The following ARHGAP9 variants were observed in gnomAD, a reference collection of about 807,000 sequenced individuals.
ARHGAP9 encodes rho GTPase-activating protein 9.
In ARHGAP9, 76 loss-of-function variants were observed where a neutral mutation model predicts 87.3. The ratio of observed to expected loss-of-function variants is 0.87; its 90% CI spans 0.72 to 1.05. The LOEUF is 1.05. Ranked by LOEUF, ARHGAP9 falls within the 50% of genes least tolerant of loss-of-function variation. ARHGAP9 has a pLI of 0.00. For synonymous variants in ARHGAP9, 382 were observed against 394.9 expected, an observed-to-expected ratio of 0.97 and a Z score of 0.39; for missense variants, 941 against 960.5, an observed-to-expected ratio of 0.98 and a Z score of 0.27.
intron 2 of ARHGAP9, 73 bp downstream of exon 2, chr12:57,479,018 T>C: frequency 6.5e-7 from 1 of 1,536,646 alleles, no homozygotes; most frequent in South Asian, 1.2e-5. Context: ...TCCCCAAAAT[T>C]CCCAGAAGCC....
chr12:57,480,638 C>T, upstream of ARHGAP9: 1 of 797,026 alleles, frequency 1.3e-6, no homozygotes, highest in Non-Finnish European at 2.1e-6. Context: ...ACAATTGAAT[C>T]AGGAACAATG....
Position 57,479,238 on chromosome 12 carries a change from T to G in ARHGAP9, c.169A>C (p.Thr57Pro). ...EGDRFLLLRK[T>P]NSDWWLARRL... Reference sequence around the variant, plus strand: ...CTTGCCAACCACCAGTCGGAGTTGGTCTTTCGAAGCAGTAGGAACCTATCC... The same window carrying G: ...CTTGCCAACCACCAGTCGGAGTTGGGCTTTCGAAGCAGTAGGAACCTATCC... Residue 57 changes from threonine (T) to proline (P), a missense_variant, in exon 2 of 18, where the codon ACC becomes CCC. By Grantham distance (38) the Thr-to-Pro change is conservative. Transcript: ENST00000393791. The G allele has an allele frequency of 6.2e-7, 1 of 1,614,126 alleles. No individual in the cohort carries two copies. Among genetic ancestry groups the G allele is most frequent in the Non-Finnish European group, 8.5e-7 (1 of 1,180,002 alleles).
intron 4 of ARHGAP9, 94 bp from the exon 5 acceptor site, chr12:57,477,363 T>G: frequency 6.5e-7 from 1 of 1,530,852 alleles, no homozygotes; most frequent in Non-Finnish European, 8.9e-7. Flanking sequence ...CTTCTGATCT[T>G]CTGAGAGCCC....
At position 57,474,606 on chromosome 12, in the gene ARHGAP9, T is replaced by C. The variant is rs778948150; in HGVS notation, c.1729+20A>G. The C allele has an allele frequency of 6.1e-5, 99 of 1,614,038 alleles. No homozygotes were observed. The highest frequency in any genetic ancestry group is 8.1e-5 in the Non-Finnish European group (95 of 1,180,008). On this transcript the variant is annotated intron_variant, in intron 14 of 17. Coordinates refer to ENST00000393791, the MANE Select transcript of ARHGAP9 (RefSeq NM_032496.4). ...GGCAAGACATTCTTAGTACAACCAC[T>C]GGCCCACAAGCCTTCTCACCTCTGT...
Position 57,477,470 on chromosome 12 carries a change from G to C in ARHGAP9, c.745C>G (p.Arg249Gly). 1.2e-6 allele frequency: 2 copies of C among 1,614,048 alleles called. No homozygotes were observed. The highest frequency in any genetic ancestry group is 1.7e-6 in the Non-Finnish European group (2 of 1,179,976). Residue 249 changes from arginine (R) to glycine (G), a missense_variant, in exon 4 of 18, where the codon CGC becomes GGC. Coordinates refer to ENST00000393791, the MANE Select transcript of ARHGAP9 (RefSeq NM_032496.4). The part of the protein sequence containing the change: ...CKSWKPPRRS[R>G]SETNPGSMEG... ...AGGTAAGGTCTCACCGTCTCGCTGC[G>C]ACTGCGGCGCGGGGGCTTCCAGGAC...
At chr12:57,477,786 G>A (rs761433477) in intron 3 of ARHGAP9, 106 bp from the exon 4 acceptor site, 72 of 1,539,266 alleles carry the variant, frequency 4.7e-5, no homozygotes, top group South Asian at 2.7e-4. Context: ...TCTTCTCACC[G>A]CCAGCTCTGG....
chr12:57,475,930 A>C lies in ARHGAP9; in HGVS notation c.1214T>G (p.Ile405Ser). The change falls in exon 10 of 18, where the codon ATC (isoleucine) becomes AGC (serine). Residue 405 changes from isoleucine (I) to serine (S), a missense_variant and splice_region_variant. Physicochemically the swap from Ile to Ser is moderately radical, Grantham distance 142. Coordinates refer to ENST00000393791, the MANE Select transcript of ARHGAP9 (RefSeq NM_032496.4). ...HLSSRRNVLH[I>S]RTIPGHEFLL... The stretch of plus-strand genomic sequence containing the variant: ...GAACTCGTGGCCAGGGATCGTGCGG[A>C]TCTGAGGGCCAGGCAAGGAAACGCT... 1 of 1,612,176 alleles carries C rather than the reference A, an allele frequency of 6.2e-7. No homozygotes were observed. Among genetic ancestry groups the C allele is most frequent in the Non-Finnish European group, 8.5e-7 (1 of 1,179,070 alleles).
Position 57,479,399 on chromosome 12 carries a change from G to C in ARHGAP9, c.8C>G (p.Ser3Cys). Reference protein sequence around the residue: MLSSRWWPSSWGI... With the variant: MLCSRWWPSSWGI... ...CCAGGAACTTGGCCACCACCGGCTGGATAGCATTGTAGCCAGCACTGTCAC... is the reference window on the plus strand; with the variant it reads ...CCAGGAACTTGGCCACCACCGGCTGCATAGCATTGTAGCCAGCACTGTCAC... Residue 3 changes from serine to cysteine, a missense_variant, in exon 2 of 18, where the codon TCC becomes TGC. Physicochemically the swap from Ser to Cys is moderately radical, Grantham distance 112. Coordinates refer to ENST00000393791, the MANE Select transcript of ARHGAP9 (RefSeq NM_032496.4). The C allele has an allele frequency of 1.9e-6, 3 of 1,612,972 alleles. No individual in the cohort carries two copies. The highest frequency in any genetic ancestry group is 2.5e-6 in the Non-Finnish European group (3 of 1,179,706).
Position 57,475,926 on chromosome 12 carries a change from G to T in ARHGAP9, c.1218C>A (p.Arg406=). 4.3e-6 allele frequency: 7 copies of T among 1,612,950 alleles called. No individual in the cohort carries two copies. The highest frequency in any genetic ancestry group is 5.9e-6 in the Non-Finnish European group (7 of 1,179,498). The stretch of plus-strand genomic sequence containing the variant: ...GCAGGAACTCGTGGCCAGGGATCGT[G>T]CGGATCTGAGGGCCAGGCAAGGAAA... ...LSSRRNVLHI[R]TIPGHEFLLQ... Residue 406 remains arginine, a synonymous_variant, in exon 10 of 18, where the codon CGC becomes CGA. Coordinates refer to ENST00000393791, the MANE Select transcript of ARHGAP9 (RefSeq NM_032496.4).
chr12:57,487,251 C>G (rs1196550937), intron 1 of ARHGAP9: 1 of 151,978 alleles, frequency 6.6e-6, no homozygotes, highest in African/African-American at 2.4e-5. Flanking sequence ...TGCTGGATTA[C>G]ATGCATAAGC....
Position 57,475,281 on chromosome 12 carries a change from G to GC in ARHGAP9, c.1552+9dup. 1 of 1,576,380 alleles carries GC rather than the reference G, an allele frequency of 6.3e-7. No individual in the cohort carries two copies. The highest frequency in any genetic ancestry group is 1.3e-5 in the African/African-American group (1 of 74,546). On this transcript the variant is annotated intron_variant, in intron 12 of 17. Coordinates refer to ENST00000393791, the MANE Select transcript of ARHGAP9 (RefSeq NM_032496.4). ...TTTTCTTATCCATGAACCTGGCCCA[G>GC]CCCCCTCACCTCGGAGCAGACCCCG...
chr12:57,472,388 C>T lies in ARHGAP9; in HGVS notation c.*129G>A. On this transcript the variant is annotated 3_prime_UTR_variant, in exon 18 of 18. Coordinates refer to ENST00000393791, the MANE Select transcript of ARHGAP9 (RefSeq NM_032496.4). The stretch of plus-strand genomic sequence containing the variant: ...AGAAGCTCCCTCACCCATCCCAACA[C>T]CTCAAGTCACACTCATGAAGATAGA... 3.3e-6 allele frequency: 4 copies of T among 1,223,468 alleles called. No homozygotes were observed. Among genetic ancestry groups the T allele is most frequent in the Non-Finnish European group, 4.4e-6 (4 of 904,612 alleles). The allele number at this position is 1,223,468 out of a possible 1,614,324, so 75.8% of individuals were successfully genotyped here.
intron 16 of ARHGAP9, 61 bp from the exon 17 acceptor site, chr12:57,473,769 G>C: frequency 6.9e-7 from 1 of 1,450,076 alleles, no homozygotes; most frequent in Non-Finnish European, 9.7e-7. Flanking sequence ...GGACAGGATG[G>C]GTAAATGCAC....
chr12:57,488,744 G>A, exon 1 of ARHGAP9: 1 of 1,299,876 alleles, frequency 7.7e-7, no homozygotes, highest in East Asian at 2.5e-5. Flanking sequence ...ACTTTCAGTC[G>A]TTAAGTTCTT....
rs769200002 is a variant in ARHGAP9, at chr12:57,475,874, G to A, written c.1270C>T (p.Arg424Ter). Reference sequence around the variant, plus strand: ...GTCCGCAGCGCGCGGTGCCAGGCTCGCAGCTCTGTCTCGTGGTCCGACTGC... The same window carrying A: ...GTCCGCAGCGCGCGGTGCCAGGCTCACAGCTCTGTCTCGTGGTCCGACTGC... Reference protein sequence around the residue: ...LLQSDHETELRAWHRALRTVI... With the variant: ...LLQSDHETEL Residue 424 changes from arginine (R) to a stop codon, truncating the protein, a stop_gained, in exon 10 of 18, where the codon CGA (arginine) becomes TGA (stop). Transcript: ENST00000393791. LOFTEE classifies it high-confidence loss of function. 1 of 1,613,892 alleles carries A rather than the reference G, an allele frequency of 6.2e-7. No individual in the cohort carries two copies. The highest frequency in any genetic ancestry group is 1.1e-5 in the South Asian group (1 of 91,066).
intron 1 of ARHGAP9, among the ~76,000 whole-genome samples, chr12:57,485,073 G>C (rs1052674720): frequency 6.6e-6 from 1 of 151,610 alleles, no homozygotes; most frequent in Non-Finnish European, 1.5e-5. Flanking sequence ...AGCATCCTAA[G>C]TAGCTGGGAT....
At chr12:57,477,294 A>C (rs1199842651) in intron 4 of ARHGAP9, 25 bp from the exon 5 acceptor site, 1 of 1,538,444 alleles carries the variant, frequency 6.5e-7, no homozygotes, top group Non-Finnish European at 8.8e-7. Context: ...GAGGAAATAA[A>C]GCTACATCCA....
At chr12:57,479,527 G>A (rs575403096) in intron 1 of ARHGAP9, 103 bp from the exon 2 acceptor site, 120 of 1,495,150 alleles carry the variant, frequency 8.0e-5, no homozygotes, top group South Asian at 4.4e-4. Flanking sequence ...AGGTGAGGAC[G>A]GGAGCCCTTG....
At chr12:57,488,795 C>A in exon 1 of ARHGAP9, 6 of 871,648 alleles carry the variant, frequency 6.9e-6, no homozygotes, top group Non-Finnish European at 1.1e-5. Flanking sequence ...CCTCTGCAGT[C>A]CCCATCTGTT....
Sources: gnomAD v4.1 joint callset for allele counts (sites outside exome capture counted in the v4.1 genomes callset) on GRCh38, gnomAD v4.1.1 for gene constraint, MANE v1.5 for transcripts, NCBI Gene and HGNC (gene_info 2026-07-23, HGNC 2026-07-21) for gene names.